CABIN1: variants seen among roughly 807,000 people sequenced by gnomAD.
CABIN1 encodes the protein calcineurin binding protein 1, also known as calcineurin-binding protein cabin-1.
A neutral mutation model predicts 227.7 loss-of-function variants in CABIN1; 133 were observed. That is an observed-to-expected ratio of 0.58 (90% CI 0.51 to 0.67). CABIN1 has a LOEUF of 0.67. Ranked by LOEUF, CABIN1 falls within the 30% of genes least tolerant of loss-of-function variation. The pLI is 0.00. For synonymous variants in CABIN1, 1,086 were observed against 1,155.1 expected, an observed-to-expected ratio of 0.94 and a Z score of 1.21; for missense variants, 2,408 against 2,852.5, an observed-to-expected ratio of 0.84 and a Z score of 3.55.
Position 24,098,068 on chromosome 22 carries a change from G to T in CABIN1, c.3993G>T (p.Pro1331=). 1.2e-6 allele frequency: 2 copies of T among 1,614,114 alleles called. No homozygotes were observed. Among genetic ancestry groups the T allele is most frequent in the Non-Finnish European group, 1.7e-6 (2 of 1,180,010 alleles). Residue 1331 remains proline, a synonymous_variant, in exon 26 of 37, where the codon CCG becomes CCT. Coordinates refer to ENST00000263119, the MANE Select transcript of CABIN1 (RefSeq NM_012295.4). ...EDSHSSAGTL[P]GPGASLPSSS... Reference sequence around the variant, plus strand: ...CCCACTCTTCAGCTGGGACACTGCCGGGCCCCGGAGCCTCCCTCCCCTCCT... The same window carrying T: ...CCCACTCTTCAGCTGGGACACTGCCTGGCCCCGGAGCCTCCCTCCCCTCCT...
At position 24,076,133 on chromosome 22, in the gene CABIN1, A is replaced by C. The variant is rs182193396; in HGVS notation, c.2633-36A>C. 5,439 of 1,555,034 alleles carry C rather than the reference A, an allele frequency of 3.5e-3. 13 individuals carry two copies. The highest frequency in any genetic ancestry group is 4.3e-3 in the Non-Finnish European group (4,886 of 1,127,160). ...CCCCTGCAGGCACGCAGGTTCCCAC[A>C]CTAACTCTGTGTCTGTCGGCCTGGG... is the stretch of plus-strand genomic sequence containing the variant. On this transcript the variant is annotated intron_variant, in intron 18 of 36. Coordinates refer to ENST00000263119, the MANE Select transcript of CABIN1 (RefSeq NM_012295.4).
chr22:24,084,559 C>T lies in CABIN1; in HGVS notation c.2911-20C>T, dbSNP rs376489346. ...TTACCCTGAATGTGTTACTAATCTG[C>T]CTTCTGTCTTTTTTTCAAGGTGGAT... On this transcript the variant is annotated intron_variant, in intron 20 of 36. Transcript: ENST00000263119. 2.3e-5 allele frequency: 37 copies of T among 1,596,536 alleles called. No homozygotes were observed. The African/African-American group carries it at 4.6e-4, about 20-fold the overall frequency.
intron 22 of CABIN1, among the ~76,000 whole-genome samples, chr22:24,086,768 TCTCA>T (rs1444400355): frequency 6.6e-6 from 1 of 152,248 alleles, no homozygotes; most frequent in Admixed American, 6.5e-5. Context: ...GTTTCTGTGT[TCTCA>T]CTATCAGTTT....
In CABIN1 at chr22:24,064,016, C is replaced by T. The variant is rs778092400; in HGVS notation, c.1885-19C>T. On this transcript the variant is annotated intron_variant, in intron 14 of 36. Transcript: ENST00000263119. The stretch of plus-strand genomic sequence containing the variant: ...CAGTCTTCTGCTTTGGTTCCCTGAC[C>T]TGTTTTCCGTCTAACCAGGGAGACA... 1 of 1,613,982 alleles carries T rather than the reference C, an allele frequency of 6.2e-7. No homozygotes were observed. Among genetic ancestry groups the T allele is most frequent in the South Asian group, 1.1e-5 (1 of 91,060 alleles).
chr22:24,064,248 T>C (rs1283020632), intron 15 of CABIN1, 61 bp downstream of exon 15: 20 of 1,571,966 alleles, frequency 1.3e-5, no homozygotes, highest in Non-Finnish European at 1.7e-5. Context: ...TTTTGTCGCC[T>C]AGGCTGGAGT....
At chr22:24,147,544 G>C (rs1458840289) in intron 29 of CABIN1, among the ~76,000 whole-genome samples, 1 of 151,040 alleles carries the variant, frequency 6.6e-6, no homozygotes, top group East Asian at 2.0e-4. Context: ...GACCTCCCAT[G>C]CTCAAGTGAT....
Position 24,087,596 on chromosome 22 carries a change from C to T in CABIN1, c.3408C>T (p.Asp1136=), listed in dbSNP as rs2041250749. The T allele has an allele frequency of 6.2e-7, 1 of 1,614,204 alleles. No individual in the cohort carries two copies. Among genetic ancestry groups the T allele is most frequent in the Non-Finnish European group, 8.5e-7 (1 of 1,180,032 alleles). The change falls in exon 23 of 37, where the codon GAC becomes GAT. Residue 1136 remains aspartate, a synonymous_variant. Coordinates refer to ENST00000263119, the MANE Select transcript of CABIN1 (RefSeq NM_012295.4). ...LNCFRRALEI[D]SSNLSLWIEY... ...GCTTCCGTCGGGCCCTGGAGATTGACAGCTCCAACTTGTCCCTATGGATTG... is the reference window on the plus strand; with the variant it reads ...GCTTCCGTCGGGCCCTGGAGATTGATAGCTCCAACTTGTCCCTATGGATTG...
At chr22:24,125,094 A>T (rs1427351545) in intron 28 of CABIN1, among the ~76,000 whole-genome samples, 1 of 152,242 alleles carries the variant, frequency 6.6e-6, no homozygotes, top group Non-Finnish European at 1.5e-5. Flanking sequence ...ATACTGGATG[A>T]TTCCACTCAG....
chr22:24,071,025 A>T lies in CABIN1; in HGVS notation c.2458A>T (p.Thr820Ser). ...CTCCACCACTGGCCTTGTGCGGCTC[A>T]CCAACAACCTCATCCAGGTAACCCC... The part of the protein sequence containing the change: ...SSSTTGLVRL[T>S]NNLIQVIDCS... The change falls in exon 17 of 37, where the codon ACC becomes TCC. Residue 820 changes from threonine to serine, a missense_variant. Around this residue, in one of 3 missense-constraint regions of CABIN1, gnomAD observed 1,045 missense variants for 1,168.4 expected, o/e 0.89. Coordinates refer to ENST00000263119, the MANE Select transcript of CABIN1 (RefSeq NM_012295.4). 6.2e-7 allele frequency: 1 copy of T among 1,614,198 alleles called. No individual in the cohort carries two copies. The highest frequency in any genetic ancestry group is 8.5e-7 in the Non-Finnish European group (1 of 1,180,040).
intron 29 of CABIN1, among the ~76,000 whole-genome samples, chr22:24,145,237 G>C (rs1036729276): frequency 1.3e-5 from 2 of 152,202 alleles, no homozygotes; most frequent in African/African-American, 4.8e-5. Context: ...GCGTCTTCCA[G>C]GTGTTGCACT....
chr22:24,087,836 C>G, intron 23 of CABIN1, 123 bp downstream of exon 23: 2 of 1,276,072 alleles, frequency 1.6e-6, no homozygotes. Context: ...TGGGAGCTCA[C>G]TGACGAATCT....
intron 1 of CABIN1, among the ~76,000 whole-genome samples, chr22:24,021,947 A>T (rs1461576733): frequency 6.6e-6 from 1 of 152,126 alleles, no homozygotes; most frequent in African/African-American, 2.4e-5. Flanking sequence ...GGCCTCCCAA[A>T]GTGCTGGGAT....
intron 1 of CABIN1, among the ~76,000 whole-genome samples, chr22:24,034,840 A>T (rs1312833369): frequency 6.6e-6 from 1 of 152,170 alleles, no homozygotes; most frequent in Admixed American, 6.5e-5. Context: ...ACATAGGCAA[A>T]ACATTTTGTT....
intron 29 of CABIN1, among the ~76,000 whole-genome samples, chr22:24,159,305 G>A (rs2046014951): frequency 6.6e-6 from 1 of 152,370 alleles, no homozygotes; most frequent in Middle Eastern, 3.4e-3. Context: ...GGCTGCTGAC[G>A]TCAGAAGCTG....
intron 1 of CABIN1, among the ~76,000 whole-genome samples, chr22:24,030,625 C>T (rs2036426755): frequency 6.6e-6 from 1 of 152,162 alleles, no homozygotes; most frequent in Admixed American, 6.5e-5. Context: ...TGTATTTGTT[C>T]TCCTACACTG....
At chr22:24,013,492 C>T (rs981973220) in intron 1 of CABIN1, among the ~76,000 whole-genome samples, 5 of 152,114 alleles carry the variant, frequency 3.3e-5, no homozygotes, top group Non-Finnish European at 7.4e-5. Context: ...CCACCATGCC[C>T]GGCCTCTTTT....
At chr22:24,067,331 G>A (rs1425118459) in intron 16 of CABIN1, 150 bp downstream of exon 16, 2 of 864,472 alleles carry the variant, frequency 2.3e-6, no homozygotes, top group Non-Finnish European at 3.8e-6. Flanking sequence ...GAAGATGTTA[G>A]TCAGAAGATA....
chr22:24,122,020 G>T (rs1194896388), intron 28 of CABIN1, among the ~76,000 whole-genome samples: 4 of 152,234 alleles, frequency 2.6e-5, no homozygotes, highest in Non-Finnish European at 5.9e-5. Context: ...AGCAGGTTTG[G>T]GTGGGAGGAG....
chr22:24,172,099 C>T (rs1344151972), intron 34 of CABIN1, 104 bp downstream of exon 34: 4 of 1,369,664 alleles, frequency 2.9e-6, no homozygotes, highest in South Asian at 2.6e-5. Context: ...GCAGTGCCCT[C>T]CCGCCCAGTC....
Sources: gnomAD v4.1 joint callset for allele counts (sites outside exome capture counted in the v4.1 genomes callset) on GRCh38, gnomAD v4.1.1 for gene constraint, gnomAD v4.1.1 regional missense constraint, MANE v1.5 for transcripts, NCBI Gene and HGNC (gene_info 2026-07-23, HGNC 2026-07-21) for gene names.